MAST2: variants seen among roughly 807,000 people sequenced by gnomAD.
MAST2 encodes the protein microtubule associated serine/threonine kinase 2.
MAST2 carries 70 observed loss-of-function variants against 147.4 expected under a neutral mutation model. The observed-to-expected ratio is 0.47, with a 90% CI of 0.39 to 0.58. The LOEUF (loss-of-function observed/expected upper bound fraction) is 0.58. Ranked by LOEUF, MAST2 falls within the 20% of genes least tolerant of loss-of-function variation. The probability of loss-of-function intolerance (pLI) is 0.00; values close to 1 mark genes in which losing one functional copy is unlikely to be tolerated. For synonymous variants in MAST2, 869 were observed against 896.8 expected (o/e 0.97, Z 0.55); for missense variants, 2,080 against 2,302.3 (o/e 0.90, Z 1.98).
chr1:45,994,027 C>G (rs1229236160), intron 5 of MAST2, among the ~76,000 whole-genome samples: 1 of 152,134 alleles, frequency 6.6e-6, no homozygotes, highest in East Asian at 1.9e-4. Context: ...ACAAAGCTTC[C>G]AGTGCCTTCT....
intron 2 of MAST2, among the ~76,000 whole-genome samples, chr1:45,827,043 TGGTCTC>T (rs1343895996): frequency 9.2e-5 from 14 of 152,066 alleles, no homozygotes; most frequent in African/African-American, 3.4e-4. Context: ...TTGGCCAGAA[TGGTCTC>T]AATCTCTTGA....
chr1:45,835,093 C>T (rs1439649514), intron 3 of MAST2, among the ~76,000 whole-genome samples: 1 of 152,018 alleles, frequency 6.6e-6, no homozygotes, highest in Non-Finnish European at 1.5e-5. Context: ...CAGTGACTTT[C>T]CAGCTTAAAA....
intron 3 of MAST2, among the ~76,000 whole-genome samples, chr1:45,829,873 CTTTTTTTTTTT>C (rs893049783): frequency 7.1e-6 from 1 of 141,010 alleles, no homozygotes; most frequent in African/African-American, 2.6e-5. Flanking sequence ...TTTTTTTTTT[CTTTTTTTTTTT>C]GAGTTGGATT....
chr1:45,931,377 G>GTTTTTT lies in MAST2; in HGVS notation c.501-27992_501-27987dup, dbSNP rs71587091. Among the ~76,000 whole-genome samples the GTTTTTT allele has an allele frequency of 2.2e-3, 220 of 101,126 alleles. 11 individuals carry two copies. Among genetic ancestry groups the GTTTTTT allele is most frequent in the Middle Eastern group, 6.4e-3 (1 of 156 alleles). 66.3% of individuals were successfully genotyped at this position (101,126 alleles called of 152,430 possible). The stretch of plus-strand genomic sequence containing the variant: ...TCACAAAAAGGTGGTATTGTGTTCT[G>GTTTTTT]TTTTTTTTTTTTTTTTTTTTTTGAG... On this transcript the variant is annotated intron_variant, in intron 4 of 28. Coordinates refer to ENST00000361297, the MANE Select transcript of MAST2 (RefSeq NM_015112.3).
chr1:45,897,896 GGA>G (rs1649021370), intron 4 of MAST2, among the ~76,000 whole-genome samples: 1 of 152,016 alleles, frequency 6.6e-6, no homozygotes. Flanking sequence ...CCTGAGGTCA[GGA>G]GTTCGAGACC....
intron 1 of MAST2, among the ~76,000 whole-genome samples, chr1:45,818,283 G>A (rs1644517181): frequency 6.6e-6 from 1 of 152,172 alleles, no homozygotes; most frequent in African/African-American, 2.4e-5. Flanking sequence ...TAGTGGATCA[G>A]ACTGACAGCA....
intron 4 of MAST2, among the ~76,000 whole-genome samples, chr1:45,909,882 G>A (rs576220555): frequency 2.6e-4 from 39 of 151,762 alleles, no homozygotes; most frequent in East Asian, 7.8e-4. Flanking sequence ...GTGCCGTCTC[G>A]GCTCCCTGCA....
chr1:45,880,562 T>A (rs10890361), intron 3 of MAST2, among the ~76,000 whole-genome samples: 67,699 of 152,044 alleles, frequency 0.45, 15,276 homozygotes, highest in East Asian at 0.62. Flanking sequence ...ATTTGTACAG[T>A]TGAATGTTTG....
At chr1:46,020,305 T>C (rs1429116942) in intron 11 of MAST2, among the ~76,000 whole-genome samples, 2 of 152,010 alleles carry the variant, frequency 1.3e-5, no homozygotes, top group African/African-American at 4.8e-5. Context: ...AACTGAAGGA[T>C]GAGTCTAAGT....
intron 4 of MAST2, among the ~76,000 whole-genome samples, chr1:45,925,998 A>G (rs968692788): frequency 1.3e-5 from 2 of 152,206 alleles, no homozygotes; most frequent in African/African-American, 4.8e-5. Flanking sequence ...GGTAGTGTCA[A>G]AATTATTTCC....
intron 5 of MAST2, among the ~76,000 whole-genome samples, chr1:45,966,422 TAA>T (rs969914547): frequency 8.1e-6 from 1 of 123,030 alleles, no homozygotes; most frequent in South Asian, 2.7e-4. Context: ...TTTGATTTTG[TAA>T]AAAAAAAAAA....
chr1:45,900,901 T>G (rs1649659809), intron 4 of MAST2, among the ~76,000 whole-genome samples: 1 of 152,212 alleles, frequency 6.6e-6, no homozygotes, highest in Non-Finnish European at 1.5e-5. Flanking sequence ...TGGATATTAG[T>G]CCTTTGTTGG....
chr1:45,807,100 A>G (rs1644164146), intron 1 of MAST2, among the ~76,000 whole-genome samples: 1 of 152,206 alleles, frequency 6.6e-6, no homozygotes, highest in Non-Finnish European at 1.5e-5. Flanking sequence ...GGAACCTTTA[A>G]ATTACTAAAT....
At chr1:45,890,034 G>A (rs1448272946) in intron 4 of MAST2, among the ~76,000 whole-genome samples, 3 of 152,098 alleles carry the variant, frequency 2.0e-5, no homozygotes, top group East Asian at 1.9e-4. Flanking sequence ...ATGAGCCCCC[G>A]TGCCCAGCTG....
intron 17 of MAST2, 55 bp downstream of exon 17, chr1:46,027,918 GCA>G: frequency 1.2e-6 from 2 of 1,601,252 alleles, no homozygotes; most frequent in Non-Finnish European, 1.7e-6. Context: ...TTGTCCTGGC[GCA>G]GTGTCTTACG....
intron 3 of MAST2, among the ~76,000 whole-genome samples, chr1:45,852,913 A>G (rs1645668264): frequency 6.6e-6 from 1 of 151,944 alleles, no homozygotes; most frequent in African/African-American, 2.4e-5. Context: ...TTTTAAAGCT[A>G]TTAACTTTTT....
At chr1:45,957,186 A>G (rs867348580) in intron 4 of MAST2, among the ~76,000 whole-genome samples, 2 of 152,324 alleles carry the variant, frequency 1.3e-5, no homozygotes, top group Middle Eastern at 3.4e-3. Context: ...TTTGTCTGGC[A>G]TCTTGCTTTC....
chr1:46,011,784 T>C (rs1377153284), intron 10 of MAST2, among the ~76,000 whole-genome samples: 1 of 152,188 alleles, frequency 6.6e-6, no homozygotes, highest in Non-Finnish European at 1.5e-5. Flanking sequence ...AGGACATCAG[T>C]GTGTTCGTCT....
intron 9 of MAST2, among the ~76,000 whole-genome samples, chr1:46,009,987 G>A (rs1645646991): frequency 6.6e-6 from 1 of 152,174 alleles, no homozygotes; most frequent in Non-Finnish European, 1.5e-5. Context: ...GTCCCTAAGA[G>A]GTTTGGAGCC....
Sources: allele counts gnomAD v4.1 joint callset (sites outside exome capture counted in the v4.1 genomes callset), GRCh38; gene constraint gnomAD v4.1.1; transcripts MANE v1.5; gene names NCBI Gene and HGNC (gene_info 2026-07-23, HGNC 2026-07-21).